Variants in PIK3AP1 observed in about 807,000 individuals in gnomAD.
PIK3AP1 encodes the protein phosphoinositide-3-kinase adaptor protein 1.
A neutral mutation model predicts 88.1 loss-of-function variants in PIK3AP1; 21 were observed. The observed-to-expected ratio is 0.24, with a 90% CI of 0.17 to 0.34. The LOEUF (loss-of-function observed/expected upper bound fraction) is 0.34. PIK3AP1 is among the 10% of genes least tolerant of loss of function. The pLI is 1.00. For missense variants in PIK3AP1, 828 were observed against 1,035.7 expected (o/e 0.80, Z 2.75); for synonymous variants, 398 against 400.0 (o/e 1.00, Z 0.06).
intron 2 of PIK3AP1, among the ~76,000 whole-genome samples, chr10:96,668,579 A>G (rs1339056615): frequency 6.6e-6 from 1 of 152,172 alleles, no homozygotes; most frequent in Admixed American, 6.5e-5. Context: ...CTTGCCACCA[A>G]TCTACTCAAA....
At chr10:96,637,445 C>A (rs745501870) in intron 8 of PIK3AP1, among the ~76,000 whole-genome samples, 1 of 151,934 alleles carries the variant, frequency 6.6e-6, no homozygotes, top group Non-Finnish European at 1.5e-5. Context: ...CCCACTGCAG[C>A]CTTGATTTCC....
chr10:96,655,432 G>T (rs1241142627), intron 3 of PIK3AP1, among the ~76,000 whole-genome samples: 1 of 152,156 alleles, frequency 6.6e-6, no homozygotes, highest in Non-Finnish European at 1.5e-5. Flanking sequence ...GCTTGAATCT[G>T]GGAGGCAGAG....
At chr10:96,651,739 G>A in intron 4 of PIK3AP1, 88 bp from the exon 5 acceptor site, 4 of 1,441,772 alleles carry the variant, frequency 2.8e-6, no homozygotes, top group Non-Finnish European at 3.8e-6. Context: ...CTCCATCTGA[G>A]TGGTGAGGAC....
At chr10:96,597,019 G>A (rs1408288371) in intron 16 of PIK3AP1, among the ~76,000 whole-genome samples, 1 of 152,116 alleles carries the variant, frequency 6.6e-6, no homozygotes, top group Admixed American at 6.5e-5. Context: ...AGGGAGGCAG[G>A]AGCAGAAAAT....
At position 96,709,778 on chromosome 10, in the gene PIK3AP1, C is replaced by T. The variant is rs773426752; in HGVS notation, c.219G>A (p.Ala73=). The T allele has an allele frequency of 6.2e-6, 10 of 1,613,586 alleles. No individual in the cohort carries two copies. The Admixed American group carries it at 1.2e-4, about 19-fold the overall frequency. Residue 73 remains alanine (A), a synonymous_variant, in exon 2 of 17, where the codon GCG becomes GCA. Transcript: ENST00000339364. ...STRCVVVLLS[A]ELVQHFHKPA... is the part of the protein sequence containing the mutation. ...GCTTGTGGAAGTGCTGCACCAGCTC[C>T]GCGGACAGCAGCACCACGACACAGC...
rs114424765 is a variant in PIK3AP1 at position 96,600,491 on chromosome 10, T to C, written c.2360+1789A>G. ...CTTCCTTCCAGGACTAATATTCTAA[T>C]CCGTGCCTTCCAGTCTACACCAGGA... On this transcript the variant is annotated intron_variant, in intron 16 of 16. Transcript: ENST00000339364. 2.4e-3 allele frequency among the ~76,000 whole-genome samples: 366 copies of C among 152,188 alleles called. 1 individual carries two copies. The highest frequency in any genetic ancestry group is 7.6e-3 in the African/African-American group (314 of 41,500).
chr10:96,685,967 C>T (rs143001191), intron 2 of PIK3AP1, among the ~76,000 whole-genome samples: 1 of 152,278 alleles, frequency 6.6e-6, no homozygotes, highest in Non-Finnish European at 1.5e-5. Flanking sequence ...ATCCCTCTGC[C>T]ACGTCCCATA....
chr10:96,599,165 A>C (rs1284920907), intron 16 of PIK3AP1, among the ~76,000 whole-genome samples: 3 of 152,006 alleles, frequency 2.0e-5, no homozygotes. Flanking sequence ...GCATGAAGAC[A>C]CACTGGATAT....
chr10:96,710,213 ATTATTTAT>A (rs10636821), intron 1 of PIK3AP1, among the ~76,000 whole-genome samples: 30 of 149,950 alleles, frequency 2.0e-4, no homozygotes, highest in South Asian at 4.3e-4. Context: ...ACGCTGTTTT[ATTATTTAT>A]TTATTTATTT....
intron 2 of PIK3AP1, among the ~76,000 whole-genome samples, chr10:96,688,238 C>T (rs994014060): frequency 9.9e-5 from 15 of 152,030 alleles, no homozygotes; most frequent in African/African-American, 3.6e-4. Flanking sequence ...AAGATGAGGC[C>T]TTGCAAAAAC....
At chr10:96,697,593 A>T (rs552710657) in intron 2 of PIK3AP1, among the ~76,000 whole-genome samples, 12 of 152,170 alleles carry the variant, frequency 7.9e-5, no homozygotes, top group African/African-American at 2.9e-4. Context: ...GCCGGGCATG[A>T]TGGTGCATGC....
At chr10:96,620,226 C>T in intron 12 of PIK3AP1, 126 bp downstream of exon 12, 1 of 1,021,212 alleles carries the variant, frequency 9.8e-7, no homozygotes, top group Non-Finnish European at 1.5e-6. Flanking sequence ...CAATGAAACT[C>T]AAACATTCGC....
In PIK3AP1 at chr10:96,709,685, G is replaced by A. The variant is rs1468316502; in HGVS notation, c.312C>T (p.Gly104=). 3.1e-6 allele frequency: 5 copies of A among 1,614,232 alleles called. No individual in the cohort carries two copies. The highest frequency in any genetic ancestry group is 1.1e-5 in the South Asian group (1 of 91,088). ...CTAGGAACTCCTCGCTGTCCCGCAC[G>A]CCGCAGAGCAGCCTGACCACGCGGT... The part of the protein sequence containing the change: ...PPHRVVRLLC[G]VRDSEEFLDF... The change falls in exon 2 of 17, where the codon GGC becomes GGT. Residue 104 remains glycine (G), a synonymous_variant. Coordinates refer to ENST00000339364, the MANE Select transcript of PIK3AP1 (RefSeq NM_152309.3).
In PIK3AP1 at chr10:96,633,286, C is replaced by T. The variant is rs2134214767; in HGVS notation, c.1376-4793G>A. The T allele has an allele frequency of 1.8e-5, 8 of 437,366 alleles. No homozygotes were observed. The East Asian group carries it at 1.9e-4, about 10-fold the overall frequency. The allele number at this position is 437,366 out of a possible 1,614,324, so 27.1% of individuals were successfully genotyped here. A position where few individuals can be genotyped will look rare whatever the true frequency, so the allele number is the denominator to read the frequency against. The stretch of plus-strand genomic sequence containing the variant: ...CTGGAAACATAGTTGACATTTGGCT[C>T]TTACCAGGTTACCGGGGTAACAGAG... On this transcript the variant is annotated intron_variant, in intron 8 of 16. Transcript: ENST00000339364.
intron 2 of PIK3AP1, among the ~76,000 whole-genome samples, chr10:96,708,102 TA>T (rs1326524440): frequency 6.6e-6 from 1 of 152,158 alleles, no homozygotes; most frequent in African/African-American, 2.4e-5. Context: ...TCAGATGGCA[TA>T]GGGGTGGGTG....
intron 1 of PIK3AP1, among the ~76,000 whole-genome samples, chr10:96,711,769 T>TTTTTTG (rs1844440423): frequency 7.9e-6 from 1 of 126,148 alleles, no homozygotes; most frequent in Non-Finnish European, 1.7e-5. Flanking sequence ...TTTTTTTTTT[T>TTTTTTG]AGACGGAGTC....
chr10:96,669,825 A>G (rs1843817844), intron 2 of PIK3AP1, among the ~76,000 whole-genome samples: 1 of 152,026 alleles, frequency 6.6e-6, no homozygotes, highest in African/African-American at 2.4e-5. Flanking sequence ...ATCACCAGGC[A>G]CCAACTTGTA....
intron 1 of PIK3AP1, among the ~76,000 whole-genome samples, chr10:96,713,252 C>A (rs887784494): frequency 9.2e-5 from 14 of 151,386 alleles, no homozygotes; most frequent in African/African-American, 2.9e-4. Context: ...AATCCCAGCA[C>A]TTTGGTAGGC....
intron 10 of PIK3AP1, among the ~76,000 whole-genome samples, chr10:96,626,007 C>T (rs929905320): frequency 3.3e-5 from 5 of 152,140 alleles, no homozygotes; most frequent in African/African-American, 1.2e-4. Context: ...CTCAGCCTCC[C>T]AAAGTACTGG....
Sources: allele counts gnomAD v4.1 joint callset (sites outside exome capture counted in the v4.1 genomes callset), GRCh38; gene constraint gnomAD v4.1.1; transcripts MANE v1.5; gene names NCBI Gene and HGNC (gene_info 2026-07-23, HGNC 2026-07-21).